SPTBN4: variants seen among roughly 807,000 people sequenced by gnomAD.
The protein encoded by SPTBN4 is spectrin beta, non-erythrocytic 4.
SPTBN4 carries 96 observed loss-of-function variants against 277.8 expected under a neutral mutation model. The observed-to-expected ratio is 0.35, with a 90% CI of 0.29 to 0.41. SPTBN4 has a LOEUF of 0.41. SPTBN4 is among the 10% of genes least tolerant of loss of function. SPTBN4 has a pLI of 1.00. For synonymous variants in SPTBN4, 1,481 were observed against 1,580.3 expected (o/e 0.94, Z 1.49); for missense variants, 3,006 against 3,595.7 (o/e 0.84, Z 4.19).
Position 40,512,657 on chromosome 19 carries a change from A to T in SPTBN4, c.1868A>T (p.His623Leu). ...QVICNRVNHVHGCLAELQEQA... is the reference protein window; with the variant it reads ...QVICNRVNHVLGCLAELQEQA... ...ATCTGCAACCGCGTGAACCACGTGC[A>T]CGGCTGCCTGGCGGAGCTGCAGGAG... The change falls in exon 14 of 36, where the codon CAC (histidine) becomes CTC (leucine). Residue 623 changes from histidine (H) to leucine (L), a missense_variant. This residue lies in a region of SPTBN4 where 1,759 missense variants were observed against 2,061.5 expected (regional missense o/e 0.85). Transcript: ENST00000598249. 6.5e-7 allele frequency: 1 copy of T among 1,540,466 alleles called. No homozygotes were observed. The highest frequency in any genetic ancestry group is 8.7e-7 in the Non-Finnish European group (1 of 1,150,592).
intron 7 of SPTBN4, among the ~76,000 whole-genome samples, chr19:40,498,977 T>C (rs1283947300): frequency 1.3e-5 from 2 of 152,090 alleles, no homozygotes; most frequent in African/African-American, 2.4e-5. Flanking sequence ...GCTGGAATTA[T>C]AGGTGTGAGC....
At chr19:40,503,046 T>C in intron 11 of SPTBN4, 113 bp downstream of exon 11, 1 of 1,339,912 alleles carries the variant, frequency 7.5e-7, no homozygotes, top group East Asian at 2.4e-5. Flanking sequence ...GTTAGATTAG[T>C]CTCCTGGTGA....
In SPTBN4 at chr19:40,567,860, T is replaced by C. The variant is rs1436129906; in HGVS notation, c.6534T>C (p.Tyr2178=). The change falls in exon 31 of 36, where the codon TAT becomes TAC. Residue 2178 remains tyrosine, a synonymous_variant. Coordinates refer to ENST00000598249, the MANE Select transcript of SPTBN4 (RefSeq NM_020971.3). ...LSAEVRTRVG[Y]VRQELKPERL... is the part of the protein sequence containing the mutation. ...CCGAGGTGCGGACTCGGGTGGGGTATGTGCGCCAGGAGCTCAAGCCCGAGC... is the reference window on the plus strand; with the variant it reads ...CCGAGGTGCGGACTCGGGTGGGGTACGTGCGCCAGGAGCTCAAGCCCGAGC... The C allele has an allele frequency of 5.9e-6, 9 of 1,525,976 alleles. No individual in the cohort carries two copies. In the East Asian group the frequency reaches 2.1e-4, roughly 36 times the overall value. 94.5% of individuals were successfully genotyped at this position (1,525,976 alleles called of 1,614,324 possible). A position where few individuals can be genotyped will look rare whatever the true frequency, so the allele number is the denominator to read the frequency against.
rs866022911 is a variant in SPTBN4 at position 40,523,450 on chromosome 19, C to T, written c.3668C>T (p.Ser1223Phe). ...CCTCCTCCCCAGGAGATGGCGCTGT[C>T]TGGTGCGGAGCTCCCGGGCACAGTG... is the stretch of plus-strand genomic sequence containing the variant. ...VVLRNQEMAL[S>F]GAELPGTVES... Residue 1223 changes from serine to phenylalanine, a missense_variant, in exon 17 of 36, where the codon TCT becomes TTT. This residue lies in a region of SPTBN4 where 1,759 missense variants were observed against 2,061.5 expected (regional missense o/e 0.85). Transcript: ENST00000598249. 1.2e-6 allele frequency: 2 copies of T among 1,607,102 alleles called. No individual in the cohort carries two copies. Among genetic ancestry groups the T allele is most frequent in the Middle Eastern group, 1.6e-4 (1 of 6,074 alleles).
intron 5 of SPTBN4, among the ~76,000 whole-genome samples, 189 bp from the exon 6 acceptor site, chr19:40,494,708 C>T (rs2080176208): frequency 6.6e-6 from 1 of 151,974 alleles, no homozygotes; most frequent in Non-Finnish European, 1.5e-5. Context: ...ACCTGTCTAT[C>T]ATCTATCTGT....
intron 1 of SPTBN4, among the ~76,000 whole-genome samples, chr19:40,470,697 A>T (rs1207348631): frequency 6.6e-6 from 1 of 150,774 alleles, no homozygotes; most frequent in Non-Finnish European, 1.5e-5. Flanking sequence ...CAGTGGCACA[A>T]TCTCAGCTCA....
At chr19:40,552,486 A>T (rs1031731052) in intron 22 of SPTBN4, among the ~76,000 whole-genome samples, 3 of 152,026 alleles carry the variant, frequency 2.0e-5, no homozygotes, top group African/African-American at 7.2e-5. Context: ...ATTAAAAAAA[A>T]AAAAAGATTT....
At chr19:40,569,601 G>C in intron 31 of SPTBN4, 56 bp from the exon 32 acceptor site, 1 of 1,587,514 alleles carries the variant, frequency 6.3e-7, no homozygotes. Flanking sequence ...AGCCAGACAG[G>C]TCCATGGGAG....
chr19:40,479,826 G>A (rs575123814), intron 2 of SPTBN4, among the ~76,000 whole-genome samples: 87 of 151,514 alleles, frequency 5.7e-4, no homozygotes, highest in Non-Finnish European at 8.7e-4. Context: ...ATACAATGGG[G>A]TGTGGTGACT....
In SPTBN4 at chr19:40,560,224, C is replaced by A. The variant is rs2081028030; in HGVS notation, c.5736C>A (p.Ala1912=). Residue 1912 remains alanine, a synonymous_variant, in exon 27 of 36, where the codon GCC becomes GCA. Coordinates refer to ENST00000598249, the MANE Select transcript of SPTBN4 (RefSeq NM_020971.3). The surrounding 1 kb of genome is among the most constrained non-coding windows in gnomAD (Gnocchi z 5.2). ...TGTATGCGGGTGAACATGCCGAGGC[C>A]ATCGCTAGCCGGGAGCAGGAGGTGC... is the stretch of plus-strand genomic sequence containing the variant. ...RTVYAGEHAE[A]IASREQEVLQ... is the part of the protein sequence containing the mutation. 2 of 1,610,004 alleles carry A rather than the reference C, an allele frequency of 1.2e-6. No individual in the cohort carries two copies. Among genetic ancestry groups the A allele is most frequent in the Non-Finnish European group, 1.7e-6 (2 of 1,179,932 alleles).
chr19:40,472,098 C>A (rs899602528), intron 1 of SPTBN4, among the ~76,000 whole-genome samples: 4 of 151,882 alleles, frequency 2.6e-5, no homozygotes, highest in Non-Finnish European at 4.4e-5. Flanking sequence ...TTATTAGAGA[C>A]AGCGTTCTCC....
Position 40,519,305 on chromosome 19 carries a change from G to C in SPTBN4, c.2904-96G>C. 8.0e-7 allele frequency: 1 copy of C among 1,256,988 alleles called. No individual in the cohort carries two copies. The highest frequency in any genetic ancestry group is 1.0e-6 in the Non-Finnish European group (1 of 966,086). 77.9% of individuals were successfully genotyped at this position (1,256,988 alleles called of 1,614,324 possible). A position where few individuals can be genotyped will look rare whatever the true frequency, so the allele number is the denominator to read the frequency against. The stretch of plus-strand genomic sequence containing the variant: ...ACTTTCTGAGGTCACACAGTGGCTG[G>C]GTGGCTTGGGCCTGGATTCTACCCT... On this transcript the variant is annotated intron_variant, in intron 15 of 35. Coordinates refer to ENST00000598249, the MANE Select transcript of SPTBN4 (RefSeq NM_020971.3). This position sits in a 1 kb window ranked among gnomAD's most constrained non-coding sequence, Gnocchi z 5.7.
intron 20 of SPTBN4, among the ~76,000 whole-genome samples, chr19:40,536,849 A>G (rs1673096): frequency 0.45 from 68,019 of 151,854 alleles, 16,200 homozygotes; most frequent in African/African-American, 0.52. Flanking sequence ...GCAGTGGTGC[A>G]ATCACGGCTC....
rs780665208 is a variant in SPTBN4, at chr19:40,515,362, C to T, written c.2817C>T (p.Asp939=). 4.3e-6 allele frequency: 7 copies of T among 1,610,142 alleles called. No individual in the cohort carries two copies. Among genetic ancestry groups the T allele is most frequent in the South Asian group, 2.2e-5 (2 of 89,954 alleles). The change falls in exon 15 of 36, where the codon GAC becomes GAT. Residue 939 remains aspartate, a synonymous_variant. Transcript: ENST00000598249. This position sits in a 1 kb window ranked among gnomAD's most constrained non-coding sequence, Gnocchi z 4.1. ...EMNSLMGRVL[D]VNHTVQELVE... ...ACAGCCTGATGGGCCGCGTTCTGGA[C>T]GTGAACCACACAGTCCAGGAGCTGG...
Position 40,512,914 on chromosome 19 carries a change from G to A in SPTBN4, c.2125G>A (p.Gly709Ser). The change falls in exon 14 of 36, where the codon GGC (glycine) becomes AGC (serine). Residue 709 changes from glycine (G) to serine (S), a missense_variant. This residue lies in a region of SPTBN4 where 1,759 missense variants were observed against 2,061.5 expected (regional missense o/e 0.85). Transcript: ENST00000598249. ...GCACAAGATCCTGCAGGGCGAGCTG[G>A]GCGGGCGGCGAGCGTTGCTGCAGCA... ...AQHKILQGEL[G>S]GRRALLQQAL... 1.4e-6 allele frequency: 2 copies of A among 1,426,316 alleles called. No individual in the cohort carries two copies. Among genetic ancestry groups the A allele is most frequent in the Non-Finnish European group, 1.8e-6 (2 of 1,100,970 alleles). The allele number at this position is 1,426,316 out of a possible 1,614,324, so 88.4% of individuals were successfully genotyped here. A position where few individuals can be genotyped will look rare whatever the true frequency, so the allele number is the denominator to read the frequency against.
intron 35 of SPTBN4, among the ~76,000 whole-genome samples, chr19:40,574,244 G>C (rs1236312271): frequency 6.6e-6 from 1 of 152,206 alleles, no homozygotes; most frequent in African/African-American, 2.4e-5. Context: ...CAGGCCTGTG[G>C]GGAGAGGAGG....
chr19:40,472,839 A>G lies in SPTBN4; in HGVS notation c.169+49A>G, dbSNP rs2145798426. On this transcript the variant is annotated intron_variant, in intron 2 of 35. Transcript: ENST00000598249. Reference sequence around the variant, plus strand: ...GGATGAGGAGGAGGGGGAAGGGGGAAGGGTGCCCGAGAACCTTGGTGGCTG... The same window carrying G: ...GGATGAGGAGGAGGGGGAAGGGGGAGGGGTGCCCGAGAACCTTGGTGGCTG... 3.7e-6 allele frequency: 5 copies of G among 1,341,846 alleles called. No individual in the cohort carries two copies. In the East Asian group the frequency reaches 1.1e-4, roughly 29 times the overall value. The allele number at this position is 1,341,846 out of a possible 1,614,324, so 83.1% of individuals were successfully genotyped here.
At chr19:40,470,956 T>TC (rs2079878233) in intron 1 of SPTBN4, among the ~76,000 whole-genome samples, 1 of 83,198 alleles carries the variant, frequency 1.2e-5, no homozygotes, top group African/African-American at 5.4e-5. Context: ...TTCTATCACC[T>TC]TTTTTTTTTT....
chr19:40,519,981 G>A lies in SPTBN4; in HGVS notation c.3484G>A (p.Ala1162Thr), dbSNP rs1347026003. ...CGAGGCGCTGCTGGCCGCCGACGGC[G>A]CAGAGCTGGGCCCGGGCCTGGCACT... ...ASEALLAADG[A>T]ELGPGLALDE... The change falls in exon 16 of 36, where the codon GCA (alanine) becomes ACA (threonine). Residue 1162 changes from alanine (A) to threonine (T), a missense_variant. Coordinates refer to ENST00000598249, the MANE Select transcript of SPTBN4 (RefSeq NM_020971.3). The surrounding 1 kb of genome is among the most constrained non-coding windows in gnomAD (Gnocchi z 5.7). The A allele has an allele frequency of 6.5e-7, 1 of 1,550,284 alleles. No homozygotes were observed. The highest frequency in any genetic ancestry group is 1.4e-5 in the African/African-American group (1 of 70,992).
Sources: allele counts gnomAD v4.1 joint callset (sites outside exome capture counted in the v4.1 genomes callset), GRCh38; gene constraint gnomAD v4.1.1; regional missense constraint gnomAD v4.1.1; non-coding constraint Gnocchi (gnomAD v3.1); transcripts MANE v1.5; gene names NCBI Gene and HGNC (gene_info 2026-07-23, HGNC 2026-07-21).